The following PCDH15 variants were observed in gnomAD, a reference collection of about 807,000 sequenced individuals.
The protein encoded by PCDH15 is protocadherin-15.
In PCDH15, 129 loss-of-function variants were observed where a neutral mutation model predicts 178.5. The observed-to-expected ratio is 0.72, with a 90% CI of 0.63 to 0.84. The LOEUF (loss-of-function observed/expected upper bound fraction) is 0.84. Ranked by LOEUF, PCDH15 falls within the 40% of genes least tolerant of loss-of-function variation. The probability of loss-of-function intolerance (pLI) is 0.00; values close to 1 mark genes in which losing one functional copy is unlikely to be tolerated. For synonymous variants in PCDH15, 800 were observed against 732.0 expected (o/e 1.09, Z -1.50); for missense variants, 2,230 against 2,099.9 (o/e 1.06, Z -1.21).
At chr10:55,114,244 C>G (rs1474331632) in intron 2 of PCDH15, among the ~76,000 whole-genome samples, 1 of 152,140 alleles carries the variant, frequency 6.6e-6, no homozygotes, top group African/African-American at 2.4e-5. Context: ...AACCACCGTG[C>G]CTGGCCAAAA....
intron 2 of PCDH15, chr10:54,528,491 G>T: frequency 1.0e-6 from 1 of 1,004,572 alleles, no homozygotes; most frequent in Non-Finnish European, 1.5e-6. Flanking sequence ...TATATTTAGT[G>T]AGAGATTTAA....
chr10:54,818,387 A>T (rs896319993), intron 3 of PCDH15, among the ~76,000 whole-genome samples: 2 of 152,046 alleles, frequency 1.3e-5, no homozygotes, highest in Admixed American at 6.6e-5. Context: ...TTCTTCTTTC[A>T]ACATACTTTT....
chr10:54,420,282 G>C (rs961205920), intron 3 of PCDH15, among the ~76,000 whole-genome samples: 2 of 151,954 alleles, frequency 1.3e-5, no homozygotes, highest in African/African-American at 4.8e-5. Context: ...TTGTCTTGTG[G>C]AGCTTGTATT....
chr10:55,087,946 A>G (rs138092173), intron 2 of PCDH15, among the ~76,000 whole-genome samples: 36 of 152,184 alleles, frequency 2.4e-4, no homozygotes, highest in African/African-American at 6.8e-4. Context: ...AATATTCACT[A>G]TTAAATTACC....
chr10:54,321,453 T>C (rs7080899), intron 7 of PCDH15, among the ~76,000 whole-genome samples: 31,558 of 151,210 alleles, frequency 0.21, 3,374 homozygotes, highest in Admixed American at 0.23. Context: ...TACATGAATG[T>C]AGCATGCAGA....
chr10:54,762,904 T>C (rs547370552), intron 1 of PCDH15, among the ~76,000 whole-genome samples: 3 of 152,320 alleles, frequency 2.0e-5, no homozygotes, highest in African/African-American at 7.2e-5. Context: ...ATATAAAGTA[T>C]AGTTGCCAAT....
chr10:55,468,736 A>G (rs984254517), intron 2 of PCDH15, among the ~76,000 whole-genome samples: 1 of 152,186 alleles, frequency 6.6e-6, no homozygotes, highest in African/African-American at 2.4e-5. Flanking sequence ...TTTGAGATTT[A>G]TAGGTGGTAT....
chr10:54,089,747 C>T (rs2094569393), intron 16 of PCDH15, among the ~76,000 whole-genome samples: 1 of 152,112 alleles, frequency 6.6e-6, no homozygotes, highest in South Asian at 2.1e-4. Context: ...GTTGTGCCTT[C>T]CAATGAAATG....
At chr10:54,726,571 G>T (rs931982768) in intron 1 of PCDH15, among the ~76,000 whole-genome samples, 2 of 151,286 alleles carry the variant, frequency 1.3e-5, no homozygotes, top group African/African-American at 4.8e-5. Context: ...TAAAATGAGA[G>T]ATATGGAATT....
In PCDH15 at chr10:53,961,702, T is replaced by C. The variant is rs568267793; in HGVS notation, c.3009+50A>G. 378 of 1,405,030 alleles carry C rather than the reference T, an allele frequency of 2.7e-4. 10 individuals carry two copies. In the South Asian group the frequency reaches 5.6e-3, roughly 21 times the overall value. The allele number at this position is 1,405,030 out of a possible 1,614,324, so 87.0% of individuals were successfully genotyped here. A position where few individuals can be genotyped will look rare whatever the true frequency, so the allele number is the denominator to read the frequency against. On this transcript the variant is annotated intron_variant, in intron 22 of 37. Transcript: ENST00000644397. The stretch of plus-strand genomic sequence containing the variant: ...CTGTCATCTGTTAAGCCAAATTCTC[T>C]ATCAAAAATTAAACATCAAATAGAC...
At chr10:55,000,067 G>A (rs1024469515) in intron 2 of PCDH15, among the ~76,000 whole-genome samples, 9 of 152,212 alleles carry the variant, frequency 5.9e-5, no homozygotes, top group South Asian at 4.1e-4. Context: ...ATGAAGTTTC[G>A]GGCATGCATT....
chr10:55,431,646 AT>A (rs1838882489), intron 2 of PCDH15, among the ~76,000 whole-genome samples: 1 of 152,152 alleles, frequency 6.6e-6, no homozygotes, highest in Admixed American at 6.5e-5. Flanking sequence ...CTTAAGACAA[AT>A]TTTCTTGTTA....
At chr10:54,111,156 A>C (rs899819978) in intron 15 of PCDH15, among the ~76,000 whole-genome samples, 2 of 152,238 alleles carry the variant, frequency 1.3e-5, no homozygotes, top group Non-Finnish European at 2.9e-5. Flanking sequence ...CACTTTAATC[A>C]ACAATAGCTG....
At chr10:54,297,713 A>C (rs973445742) in intron 8 of PCDH15, among the ~76,000 whole-genome samples, 2 of 152,168 alleles carry the variant, frequency 1.3e-5, no homozygotes. Context: ...ACGTGGGTAC[A>C]TGTCCCCTTC....
In PCDH15 at chr10:54,296,783, A is replaced by G. The variant is rs528927071; in HGVS notation, c.876+20488T>C. Among the ~76,000 whole-genome samples the G allele has an allele frequency of 2.0e-5, 3 of 151,186 alleles. No individual in the cohort carries two copies. In the East Asian group the frequency reaches 5.9e-4, roughly 30 times the overall value. On this transcript the variant is annotated intron_variant, in intron 8 of 37. Coordinates refer to ENST00000644397, the MANE Select transcript of PCDH15 (RefSeq NM_001384140.1). ...CAGAAATTGTATCCTTGCTATTCAT[A>G]TAAGTGAGGACAAAAGGCATCACTC...
At chr10:54,672,876 G>T (rs2094701756) in intron 1 of PCDH15, among the ~76,000 whole-genome samples, 1 of 151,788 alleles carries the variant, frequency 6.6e-6, no homozygotes, top group Non-Finnish European at 1.5e-5. Flanking sequence ...ACCATAGCTT[G>T]GTAGGAAATA....
intron 27 of PCDH15, among the ~76,000 whole-genome samples, chr10:53,864,520 G>A (rs1396845711): frequency 6.6e-6 from 1 of 152,104 alleles, no homozygotes; most frequent in East Asian, 1.9e-4. Context: ...ATCCACTCAG[G>A]CCTTGGGTCA....
intron 29 of PCDH15, among the ~76,000 whole-genome samples, chr10:53,838,652 T>G (rs1363776516): frequency 6.6e-6 from 1 of 152,156 alleles, no homozygotes; most frequent in Non-Finnish European, 1.5e-5. Flanking sequence ...TGCAGGTAGA[T>G]TCACATAAAA....
chr10:54,798,003 C>T (rs1054872387), intron 1 of PCDH15, among the ~76,000 whole-genome samples: 1 of 151,984 alleles, frequency 6.6e-6, no homozygotes, highest in African/African-American at 2.4e-5. Flanking sequence ...ATACATGCAA[C>T]GAATTAACAT....
Sources: allele counts gnomAD v4.1 joint callset (sites outside exome capture counted in the v4.1 genomes callset), GRCh38; gene constraint gnomAD v4.1.1; transcripts MANE v1.5; gene names NCBI Gene and HGNC (gene_info 2026-07-23, HGNC 2026-07-21).